SLC6A7: variants seen among roughly 807,000 people sequenced by gnomAD.
The protein encoded by SLC6A7 is solute carrier family 6 member 7, also known as sodium-dependent proline transporter.
SLC6A7 carries 58 observed loss-of-function variants against 73.1 expected under a neutral mutation model. The ratio of observed to expected loss-of-function variants is 0.79; its 90% CI spans 0.64 to 0.99. The LOEUF (loss-of-function observed/expected upper bound fraction) is 0.99. Among genes scored for constraint, SLC6A7 ranks in the 50% least tolerant of loss-of-function variants. The pLI, the probability that SLC6A7 is intolerant of heterozygous loss-of-function variation, is 0.00. For synonymous variants in SLC6A7, 338 were observed against 338.7 expected, an observed-to-expected ratio of 1.00 and a Z score of 0.02; for missense variants, 783 against 831.4, an observed-to-expected ratio of 0.94 and a Z score of 0.72.
chr5:150,202,739 G>A (rs1753453979), intron 8 of SLC6A7, 36 bp downstream of exon 8: 1 of 1,609,906 alleles, frequency 6.2e-7, no homozygotes, highest in Non-Finnish European at 8.5e-7. Context: ...GGGTGAGCAT[G>A]TGTGTTGGGT....
chr5:150,197,915 G>C (rs145603013), intron 4 of SLC6A7, among the ~76,000 whole-genome samples: 120 of 152,180 alleles, frequency 7.9e-4, no homozygotes, highest in Middle Eastern at 3.4e-3. Context: ...CATTATCACG[G>C]TGCTGGGCAC....
At chr5:150,191,493 T>G (rs1476277223) in intron 1 of SLC6A7, among the ~76,000 whole-genome samples, 1 of 151,586 alleles carries the variant, frequency 6.6e-6, no homozygotes, top group South Asian at 2.1e-4. Flanking sequence ...TGCAGTGGTG[T>G]GATCTCGGCT....
At chr5:150,198,825 TG>T (rs1407035001) in intron 4 of SLC6A7, among the ~76,000 whole-genome samples, 2,042 of 134,080 alleles carry the variant, frequency 0.015, 22 homozygotes, top group Non-Finnish European at 0.017. Context: ...TGTGTGTGTG[TG>T]TGTGTGTGTG....
chr5:150,191,094 AC>A (rs1225683663), intron 1 of SLC6A7, among the ~76,000 whole-genome samples: 1 of 152,144 alleles, frequency 6.6e-6, no homozygotes, highest in Admixed American at 6.5e-5. Flanking sequence ...TCTGGCTTGT[AC>A]CAGTCCTAAC....
At chr5:150,207,212 G>A (rs1753745094) in intron 13 of SLC6A7, among the ~76,000 whole-genome samples, 1 of 152,100 alleles carries the variant, frequency 6.6e-6, no homozygotes, top group Admixed American at 6.5e-5. Flanking sequence ...GTGCAGTGCA[G>A]TGGAGACAGT....
intron 2 of SLC6A7, chr5:150,195,164 C>T: frequency 2.3e-6 from 1 of 430,718 alleles, no homozygotes; most frequent in South Asian, 3.9e-5. Flanking sequence ...CTAAGGCTGG[C>T]CACCCCACGC....
rs1182669543 is a variant in SLC6A7, at chr5:150,210,165, G to C, written c.*550G>C. On this transcript the variant is annotated 3_prime_UTR_variant, in exon 14 of 14. Coordinates refer to ENST00000230671, the MANE Select transcript of SLC6A7 (RefSeq NM_014228.5). ...GAGTTAGGTGGGGAGAAAGATCCCT[G>C]GGGGCTCCTGTATGCAGGACTCCTG... 6.2e-6 allele frequency: 1 copy of C among 160,250 alleles called. No individual in the cohort carries two copies. Among genetic ancestry groups the C allele is most frequent in the Admixed American group, 5.8e-5 (1 of 17,214 alleles). The allele number at this position is 160,250 out of a possible 1,614,324, so 9.9% of individuals were successfully genotyped here. A position where few individuals can be genotyped will look rare whatever the true frequency, so the allele number is the denominator to read the frequency against.
chr5:150,203,851 G>GTA (rs1753532715), intron 9 of SLC6A7, 56 bp from the exon 10 acceptor site: 16 of 1,543,194 alleles, frequency 1.0e-5, no homozygotes, highest in Non-Finnish European at 1.4e-5. Flanking sequence ...GTGTGTGTGT[G>GTA]TGTGTGTGTG....
chr5:150,206,192 G>A (rs1489703968), intron 13 of SLC6A7, among the ~76,000 whole-genome samples: 1 of 152,166 alleles, frequency 6.6e-6, no homozygotes, highest in African/African-American at 2.4e-5. Flanking sequence ...GAGCCTCATT[G>A]CACCCTCTGA....
At chr5:150,205,169 G>C (rs1357363686) in intron 12 of SLC6A7, among the ~76,000 whole-genome samples, 2 of 152,220 alleles carry the variant, frequency 1.3e-5, no homozygotes, top group African/African-American at 4.8e-5. Flanking sequence ...CTCAGGATTG[G>C]AGCCTTTAGG....
chr5:150,198,824 G>GTTTT (rs55696771), intron 4 of SLC6A7, among the ~76,000 whole-genome samples: 1 of 145,246 alleles, frequency 6.9e-6, no homozygotes, highest in Non-Finnish European at 1.5e-5. Context: ...GTGTGTGTGT[G>GTTTT]TGTGTGTGTG....
At chr5:150,208,003 C>A (rs1253014768) in intron 13 of SLC6A7, among the ~76,000 whole-genome samples, 2 of 151,712 alleles carry the variant, frequency 1.3e-5, no homozygotes, top group South Asian at 2.1e-4. Flanking sequence ...TGCTAAACAA[C>A]CTTCCATGCG....
intron 13 of SLC6A7, among the ~76,000 whole-genome samples, chr5:150,207,632 A>G (rs542786352): frequency 4.0e-4 from 61 of 152,326 alleles, no homozygotes; most frequent in Non-Finnish European, 6.8e-4. Context: ...AAAATATTTT[A>G]AAGGTTCAGG....
rs747494345 is a variant in SLC6A7 at position 150,197,143 on chromosome 5, G to A, written c.451G>A (p.Asp151Asn). 19 of 1,613,974 alleles carry A rather than the reference G, an allele frequency of 1.2e-5. No homozygotes were observed. The highest frequency in any genetic ancestry group is 7.7e-5 in the South Asian group (7 of 91,086). Residue 151 changes from aspartate to asparagine, a missense_variant, in exon 4 of 14, where the codon GAC becomes AAC. Physicochemically the swap from Asp to Asn is conservative, Grantham distance 23. Transcript: ENST00000230671. ...LFYLFASLTS[D>N]LPWEHCGNWW... ...CTACCTCTTCGCCTCCCTCACCAGC[G>A]ACCTACCCTGGGAGCACTGTGGCAA...
At chr5:150,199,446 C>A in intron 5 of SLC6A7, 80 bp downstream of exon 5, 1 of 960,006 alleles carries the variant, frequency 1.0e-6, no homozygotes, top group Non-Finnish European at 1.6e-6. Context: ...TTGGACTGAG[C>A]ATGAGAAGAT....
intron 13 of SLC6A7, among the ~76,000 whole-genome samples, chr5:150,206,331 T>TC (rs1753698653): frequency 1.3e-5 from 2 of 152,162 alleles, no homozygotes; most frequent in South Asian, 2.1e-4. Flanking sequence ...ACCCACAACA[T>TC]ACACATCCCA....
chr5:150,202,060 C>T (rs1304051514), intron 6 of SLC6A7, among the ~76,000 whole-genome samples: 1 of 152,208 alleles, frequency 6.6e-6, no homozygotes, highest in Non-Finnish European at 1.5e-5. Flanking sequence ...GCACACTTTA[C>T]ATTAGGCTCT....
At chr5:150,200,086 G>A (rs933443492) in intron 5 of SLC6A7, among the ~76,000 whole-genome samples, 2 of 152,184 alleles carry the variant, frequency 1.3e-5, no homozygotes, top group African/African-American at 4.8e-5. Flanking sequence ...TCAGCTCCAT[G>A]GTGGGAAAGT....
chr5:150,194,741 A>G lies in SLC6A7; in HGVS notation c.47A>G (p.Asp16Gly), dbSNP rs779159357. Residue 16 changes from aspartate (D) to glycine (G), a missense_variant, in exon 2 of 14, where the codon GAC (aspartate) becomes GGC (glycine). Transcript: ENST00000230671. Reference protein sequence around the residue: ...GAHLRKPVTPDLLMTPSDQGD... With the variant: ...GAHLRKPVTPGLLMTPSDQGD... ...TCTCATTGGCAGCCTGTCACCCCAGACCTGCTGATGACCCCCAGTGACCAG... is the reference window on the plus strand; with the variant it reads ...TCTCATTGGCAGCCTGTCACCCCAGGCCTGCTGATGACCCCCAGTGACCAG... The G allele has an allele frequency of 5.6e-6, 9 of 1,613,608 alleles. No individual in the cohort carries two copies. The highest frequency in any genetic ancestry group is 1.3e-5 in the African/African-American group (1 of 74,848).
Sources: gnomAD v4.1 joint callset for allele counts (sites outside exome capture counted in the v4.1 genomes callset) on GRCh38, gnomAD v4.1.1 for gene constraint, MANE v1.5 for transcripts, NCBI Gene and HGNC (gene_info 2026-07-23, HGNC 2026-07-21) for gene names.